TRIM2: variants seen among roughly 807,000 people sequenced by gnomAD.
The protein encoded by TRIM2 is tripartite motif containing 2.
A neutral mutation model predicts 75.2 loss-of-function variants in TRIM2; 20 were observed. That is an observed-to-expected ratio of 0.27 (90% CI 0.19 to 0.39). The LOEUF (loss-of-function observed/expected upper bound fraction) is 0.39. Ranked by LOEUF, TRIM2 falls within the 10% of genes least tolerant of loss-of-function variation. The probability of loss-of-function intolerance (pLI) is 1.00; values close to 1 mark genes in which losing one functional copy is unlikely to be tolerated. For missense variants in TRIM2, 660 were observed against 990.8 expected (o/e 0.67, Z 4.48); for synonymous variants, 373 against 388.3 (o/e 0.96, Z 0.46).
chr4:153,212,512 C>T (rs1001367269), intron 1 of TRIM2, among the ~76,000 whole-genome samples: 3 of 152,108 alleles, frequency 2.0e-5, no homozygotes, highest in African/African-American at 4.8e-5. Context: ...TGTAAGAAAG[C>T]TGCACTCGTG....
intron 1 of TRIM2, among the ~76,000 whole-genome samples, chr4:153,175,895 G>C (rs1448496155): frequency 6.6e-6 from 1 of 152,000 alleles, no homozygotes; most frequent in Non-Finnish European, 1.5e-5. Flanking sequence ...CAGAGTAAAG[G>C]GGCCGCCGAG....
chr4:153,220,913 C>T (rs1739776382), intron 1 of TRIM2, among the ~76,000 whole-genome samples: 1 of 151,998 alleles, frequency 6.6e-6, no homozygotes, highest in Non-Finnish European at 1.5e-5. Flanking sequence ...GGTGTAACTG[C>T]TTTGGAAAAC....
intron 1 of TRIM2, among the ~76,000 whole-genome samples, chr4:153,186,826 A>C (rs1732647970): frequency 6.6e-6 from 1 of 152,188 alleles, no homozygotes; most frequent in Non-Finnish European, 1.5e-5. Context: ...GAATATGAGA[A>C]AAAAAACAAG....
chr4:153,244,156 C>CT (rs902803559), intron 1 of TRIM2, among the ~76,000 whole-genome samples: 1 of 141,068 alleles, frequency 7.1e-6, no homozygotes, highest in African/African-American at 2.8e-5. Flanking sequence ...TCTTCTTGTT[C>CT]TTCTTCTTCT....
intron 1 of TRIM2, among the ~76,000 whole-genome samples, chr4:153,239,078 C>G (rs775350716): frequency 1.1e-4 from 17 of 152,134 alleles, no homozygotes; most frequent in Non-Finnish European, 2.1e-4. Flanking sequence ...GGCGGCCGGG[C>G]GTGGTGGCTC....
At chr4:153,297,311 C>G (rs182682729) in intron 6 of TRIM2, among the ~76,000 whole-genome samples, 1 of 152,136 alleles carries the variant, frequency 6.6e-6, no homozygotes, top group African/African-American at 2.4e-5. Context: ...GCAGAGTGGA[C>G]GAGCTTGGGT....
At position 153,328,511 on chromosome 4, in the gene TRIM2, T is replaced by G. The variant is rs767967681; in HGVS notation, c.2023-19T>G. ...GTATTTTGATGTAAAACAAAATAATTTAAAAATATTTCATACAGGTGTTTA... is the reference window on the plus strand; with the variant it reads ...GTATTTTGATGTAAAACAAAATAATGTAAAAATATTTCATACAGGTGTTTA... On this transcript the variant is annotated intron_variant, in intron 10 of 11. Transcript: ENST00000338700. 6.3e-7 allele frequency: 1 copy of G among 1,583,060 alleles called. No homozygotes were observed. The highest frequency in any genetic ancestry group is 8.6e-7 in the Non-Finnish European group (1 of 1,168,232).
At chr4:153,158,996 A>T (rs545838229) in intron 1 of TRIM2, among the ~76,000 whole-genome samples, 1 of 152,274 alleles carries the variant, frequency 6.6e-6, no homozygotes, top group African/African-American at 2.4e-5. Flanking sequence ...TTTGCTTAAG[A>T]TGCAGTGTCT....
rs73854608 is a variant in TRIM2 at position 153,234,704 on chromosome 4, T to G, written c.30+30144T>G. ...TAAACAGAAAATGCATAGGTAGCAT[T>G]AGGTGCTGTGCCTGGTTAACAGTCA... On this transcript the variant is annotated intron_variant, in intron 1 of 11. Coordinates refer to ENST00000338700, the MANE Select transcript of TRIM2 (RefSeq NM_015271.5). 2.6e-3 allele frequency among the ~76,000 whole-genome samples: 403 copies of G among 152,330 alleles called. 1 individual carries two copies. Among genetic ancestry groups the G allele is most frequent in the African/African-American group, 9.2e-3 (384 of 41,568 alleles).
Position 153,336,908 on chromosome 4 carries a change from A to G in TRIM2, c.*1942A>G. On this transcript the variant is annotated 3_prime_UTR_variant, in exon 12 of 12. Coordinates refer to ENST00000338700, the MANE Select transcript of TRIM2 (RefSeq NM_015271.5). Reference sequence around the variant, plus strand: ...AAGCTATAAAATTCAATAACTTTTTAGAATGTTAAATGAAGACACTGTTTC... The same window carrying G: ...AAGCTATAAAATTCAATAACTTTTTGGAATGTTAAATGAAGACACTGTTTC... 1 of 985,092 alleles carries G rather than the reference A, an allele frequency of 1.0e-6. No individual in the cohort carries two copies. Among genetic ancestry groups the G allele is most frequent in the Non-Finnish European group, 1.2e-6 (1 of 829,414 alleles). The allele number at this position is 985,092 out of a possible 1,614,324, so 61.0% of individuals were successfully genotyped here.
rs184166015 is a variant in TRIM2, at chr4:153,336,830, A to G, written c.*1864A>G. 132 of 985,508 alleles carry G rather than the reference A, an allele frequency of 1.3e-4. No individual in the cohort carries two copies. Among genetic ancestry groups the G allele is most frequent in the Admixed American group, 9.8e-4 (16 of 16,276 alleles). The allele number at this position is 985,508 out of a possible 1,614,324, so 61.0% of individuals were successfully genotyped here. A position where few individuals can be genotyped will look rare whatever the true frequency, so the allele number is the denominator to read the frequency against. ...CCAGGAAGATTTACATTTAGGTTTA[A>G]TATTTTTTTAGTTAGGTAGAGTTTT... On this transcript the variant is annotated 3_prime_UTR_variant, in exon 12 of 12. Transcript: ENST00000338700.
At chr4:153,228,868 T>C (rs1742862104) in intron 1 of TRIM2, among the ~76,000 whole-genome samples, 1 of 152,158 alleles carries the variant, frequency 6.6e-6, no homozygotes, top group Non-Finnish European at 1.5e-5. Context: ...AGCCTTTGAG[T>C]ATCCTTCATC....
At chr4:153,297,368 A>G (rs1762983398) in intron 6 of TRIM2, among the ~76,000 whole-genome samples, 1 of 152,178 alleles carries the variant, frequency 6.6e-6, no homozygotes, top group Admixed American at 6.5e-5. Context: ...CGGTTCAGCC[A>G]CTTACTTGAG....
chr4:153,212,017 T>C (rs901111690), intron 1 of TRIM2, among the ~76,000 whole-genome samples: 2 of 152,092 alleles, frequency 1.3e-5, no homozygotes, highest in African/African-American at 4.8e-5. Context: ...AAAAACTCAG[T>C]GAGGAGGAAG....
chr4:153,253,458 A>G (rs1238948629), intron 1 of TRIM2, among the ~76,000 whole-genome samples: 2 of 152,112 alleles, frequency 1.3e-5, no homozygotes, highest in Non-Finnish European at 2.9e-5. Context: ...ACCCCATGGG[A>G]GGGGTTGGTA....
intron 1 of TRIM2, among the ~76,000 whole-genome samples, chr4:153,261,602 T>G (rs1753607698): frequency 6.6e-6 from 1 of 152,182 alleles, no homozygotes; most frequent in Admixed American, 6.5e-5. Context: ...AATTTTGTTT[T>G]TCAGTAGAAT....
At chr4:153,244,469 C>G (rs1047546626) in intron 1 of TRIM2, among the ~76,000 whole-genome samples, 1 of 143,428 alleles carries the variant, frequency 7.0e-6, no homozygotes, top group Admixed American at 7.3e-5. Context: ...CTATGTTGCC[C>G]GAGCTGATCT....
intron 3 of TRIM2, among the ~76,000 whole-genome samples, chr4:153,287,816 A>G (rs1760994207): frequency 1.3e-5 from 2 of 152,246 alleles, no homozygotes; most frequent in Admixed American, 1.3e-4. Flanking sequence ...AAACTAAAAT[A>G]CATTAATACT....
rs1248110782 is a variant in TRIM2, at chr4:153,338,018, A to C, written c.*3052A>C. The stretch of plus-strand genomic sequence containing the variant: ...TTTTTTAATGGTACTTAGTATTTTG[A>C]TCAAACTTTAGTCTCCAGAACTAAA... On this transcript the variant is annotated 3_prime_UTR_variant, in exon 12 of 12. Coordinates refer to ENST00000338700, the MANE Select transcript of TRIM2 (RefSeq NM_015271.5). The C allele has an allele frequency of 5.1e-6, 5 of 985,664 alleles. No homozygotes were observed. In the African/African-American group the frequency reaches 7.0e-5, roughly 14 times the overall value. The allele number at this position is 985,664 out of a possible 1,614,324, so 61.1% of individuals were successfully genotyped here.
Sources: allele counts gnomAD v4.1 joint callset (sites outside exome capture counted in the v4.1 genomes callset), GRCh38; gene constraint gnomAD v4.1.1; transcripts MANE v1.5; gene names NCBI Gene and HGNC (gene_info 2026-07-23, HGNC 2026-07-21).